Variants in C10orf90 observed in about 807,000 individuals in gnomAD.
C10orf90 encodes the protein (E2-independent) E3 ubiquitin-conjugating enzyme FATS.
In C10orf90, 56 loss-of-function variants were observed where a neutral mutation model predicts 62.5. The observed-to-expected ratio is 0.90, with a 90% CI of 0.72 to 1.12. The LOEUF (loss-of-function observed/expected upper bound fraction) is 1.12, where lower values mean the gene tolerates loss of function less well. Among genes scored for constraint, C10orf90 ranks in the 50% most tolerant of loss-of-function variants. C10orf90 has a pLI of 0.00. For missense variants in C10orf90, 970 were observed against 880.4 expected, an observed-to-expected ratio of 1.10 and a Z score of -1.29; for synonymous variants, 386 against 340.4, an observed-to-expected ratio of 1.13 and a Z score of -1.47.
In C10orf90 at chr10:126,459,726, G is replaced by C. The variant is rs756597101; in HGVS notation, c.2011-509C>G. Among the ~76,000 whole-genome samples the C allele has an allele frequency of 6.6e-5, 10 of 152,212 alleles. 1 individual carries two copies. The highest frequency in any genetic ancestry group is 4.6e-4 in the Admixed American group (7 of 15,288). On this transcript the variant is annotated intron_variant, in intron 6 of 9. Transcript: ENST00000488181. ...ACCACAACTGCGGCTGAAGGAAACA[G>C]CTCCTCCTCCTGGGTAGAAAGAGCT...
chr10:126,530,872 A>G (rs971524853), intron 2 of C10orf90, among the ~76,000 whole-genome samples: 9 of 152,150 alleles, frequency 5.9e-5, no homozygotes, highest in Admixed American at 5.2e-4. Flanking sequence ...GGAGAAAGAA[A>G]AAATGAAAAT....
chr10:126,511,636 A>T (rs1863114450), intron 3 of C10orf90, among the ~76,000 whole-genome samples: 1 of 152,146 alleles, frequency 6.6e-6, no homozygotes. Context: ...TTCTGCAGAA[A>T]TTAAAAATAC....
chr10:126,652,358 G>T (rs1161372190), intron 1 of C10orf90, among the ~76,000 whole-genome samples: 3 of 152,146 alleles, frequency 2.0e-5, no homozygotes, highest in Non-Finnish European at 4.4e-5. Flanking sequence ...CAAATGGTAG[G>T]ATTGTTCTCT....
At chr10:126,645,706 T>C (rs1846157040) in intron 2 of C10orf90, among the ~76,000 whole-genome samples, 1 of 152,168 alleles carries the variant, frequency 6.6e-6, no homozygotes, top group African/African-American at 2.4e-5. Flanking sequence ...GTGTCAGTTT[T>C]GGAAAGGAAT....
intron 7 of C10orf90, among the ~76,000 whole-genome samples, chr10:126,443,311 C>T (rs919771474): frequency 7.2e-5 from 11 of 151,926 alleles, no homozygotes; most frequent in Non-Finnish European, 1.3e-4. Context: ...CAAATAACCT[C>T]AATAAGAAAT....
intron 2 of C10orf90, among the ~76,000 whole-genome samples, chr10:126,541,626 C>A (rs1459704110): frequency 6.6e-6 from 1 of 152,078 alleles, no homozygotes; most frequent in African/African-American, 2.4e-5. Context: ...TTAGAGAATG[C>A]AAATCAATAC....
At chr10:126,554,965 C>T (rs1356894269) in intron 2 of C10orf90, among the ~76,000 whole-genome samples, 1 of 152,212 alleles carries the variant, frequency 6.6e-6, no homozygotes, top group African/African-American at 2.4e-5. Context: ...TCACGACACT[C>T]GCCTTCCTCA....
chr10:126,646,202 A>G (rs1394312328), intron 2 of C10orf90, among the ~76,000 whole-genome samples: 2 of 152,240 alleles, frequency 1.3e-5, no homozygotes, highest in African/African-American at 2.4e-5. Context: ...TATCCTGCCT[A>G]TATTTAAATT....
intron 4 of C10orf90, among the ~76,000 whole-genome samples, chr10:126,465,890 C>T (rs1002925163): frequency 3.3e-5 from 5 of 152,170 alleles, no homozygotes; most frequent in African/African-American, 9.7e-5. Context: ...GGACAGTGTG[C>T]TTCCCCAGTA....
intron 2 of C10orf90, among the ~76,000 whole-genome samples, chr10:126,531,123 GAGAT>G (rs1864082246): frequency 1.3e-5 from 2 of 150,564 alleles, no homozygotes; most frequent in Non-Finnish European, 3.0e-5. Context: ...GCAGTGAGCT[GAGAT>G]CACATCACTG....
chr10:126,583,839 G>A (rs1343696941), intron 2 of C10orf90, among the ~76,000 whole-genome samples: 3 of 152,170 alleles, frequency 2.0e-5, no homozygotes, highest in African/African-American at 7.2e-5. Context: ...GCTCTTGCTG[G>A]GTGCGGTGGC....
rs200432917 is a variant in C10orf90 at position 126,549,959 on chromosome 10, T to TTC, written c.314-36021_314-36020insGA. Among the ~76,000 whole-genome samples the TTC allele has an allele frequency of 3.5e-3, 418 of 119,218 alleles. 2 individuals carry two copies. The highest frequency in any genetic ancestry group is 8.8e-3 in the Middle Eastern group (2 of 226). 78.2% of individuals were successfully genotyped at this position (119,218 alleles called of 152,430 possible). ...GCTATACAATTCTGTAAAGCTTTCT[T>TTC]TTTTTTTTTTTTTTTTGAGACAGTC... On this transcript the variant is annotated intron_variant, in intron 2 of 9. Coordinates refer to ENST00000488181, the MANE Select transcript of C10orf90 (RefSeq NM_001350921.2).
Position 126,524,860 on chromosome 10 carries a change from A to G in C10orf90, c.314-10921T>C, listed in dbSNP as rs1217634674. 5.1e-6 allele frequency: 5 copies of G among 983,018 alleles called. 1 individual carries two copies. Among genetic ancestry groups the G allele is most frequent in the Non-Finnish European group, 6.0e-6 (5 of 827,838 alleles). The allele number at this position is 983,018 out of a possible 1,614,324, so 60.9% of individuals were successfully genotyped here. On this transcript the variant is annotated intron_variant, in intron 2 of 9. Coordinates refer to ENST00000488181, the MANE Select transcript of C10orf90 (RefSeq NM_001350921.2). ...CCACTTTAGCTTGCTTCTCCCATTA[A>G]GTGGAAAACGCCATTATTTCCATCA...
chr10:126,516,307 C>T (rs1236905114), intron 2 of C10orf90, among the ~76,000 whole-genome samples: 1 of 152,152 alleles, frequency 6.6e-6, no homozygotes, highest in Non-Finnish European at 1.5e-5. Context: ...ATAAATGACA[C>T]CAGTTGTGAT....
At position 126,628,129 on chromosome 10, in the gene C10orf90, C is replaced by T. The variant is rs546163456; in HGVS notation, c.313+18436G>A. On this transcript the variant is annotated intron_variant, in intron 2 of 9. Coordinates refer to ENST00000488181, the MANE Select transcript of C10orf90 (RefSeq NM_001350921.2). ...ACACCTTCGCCTGGCAGGGAAGAGG[C>T]CTGGATTCCAGCCCTACCAGGCTGG... 2.6e-5 allele frequency among the ~76,000 whole-genome samples: 4 copies of T among 152,312 alleles called. No homozygotes were observed. In the East Asian group the frequency reaches 7.7e-4, roughly 29 times the overall value.
chr10:126,427,484 ATTTCAG>A (rs1296588847), intron 8 of C10orf90, among the ~76,000 whole-genome samples: 1 of 152,152 alleles, frequency 6.6e-6, no homozygotes, highest in African/African-American at 2.4e-5. Context: ...GGAGATTGGC[ATTTCAG>A]TTGGTGCACT....
intron 2 of C10orf90, among the ~76,000 whole-genome samples, chr10:126,561,535 T>C (rs994380470): frequency 4.6e-5 from 7 of 152,054 alleles, no homozygotes; most frequent in Non-Finnish European, 8.8e-5. Flanking sequence ...CAGAATCGGG[T>C]TGGAGGACTG....
At chr10:126,471,252 G>A (rs952108182) in intron 4 of C10orf90, among the ~76,000 whole-genome samples, 3 of 152,190 alleles carry the variant, frequency 2.0e-5, no homozygotes, top group Admixed American at 6.5e-5. Context: ...AAATCAACCC[G>A]CAGGGATGAA....
At chr10:126,634,080 A>T (rs1405880757) in intron 2 of C10orf90, among the ~76,000 whole-genome samples, 1 of 152,214 alleles carries the variant, frequency 6.6e-6, no homozygotes, top group Non-Finnish European at 1.5e-5. Context: ...GAGTTTCCTT[A>T]AAAAATTAAA....
Sources: gnomAD v4.1 joint callset for allele counts (sites outside exome capture counted in the v4.1 genomes callset) on GRCh38, gnomAD v4.1.1 for gene constraint, MANE v1.5 for transcripts, NCBI Gene and HGNC (gene_info 2026-07-23, HGNC 2026-07-21) for gene names.